NLGN4X: variants seen among roughly 807,000 people sequenced by gnomAD.
NLGN4X encodes the protein neuroligin 4 X-linked.
NLGN4X carries 3 observed loss-of-function variants against 40.3 expected under a neutral mutation model. The observed-to-expected ratio is 0.07, with a 90% CI of 0.03 to 0.19. The LOEUF (loss-of-function observed/expected upper bound fraction) is 0.19, where lower values mean the gene tolerates loss of function less well. Among genes scored for constraint, NLGN4X ranks in the 10% least tolerant of loss-of-function variants. The pLI is 1.00. For synonymous variants in NLGN4X, 270 were observed against 306.8 expected (o/e 0.88, Z 1.25); for missense variants, 382 against 708.3 (o/e 0.54, Z 5.23).
intron 1 of NLGN4X, among the ~76,000 whole-genome samples, chrX:6,208,270 G>C (rs970476957): frequency 6.2e-5 from 7 of 112,095 alleles, no homozygotes; most frequent in Admixed American, 5.7e-4. Context: ...TTTTAGATAA[G>C]CTAGCTGCAT....
intron 1 of NLGN4X, among the ~76,000 whole-genome samples, chrX:6,218,471 AACCCACACACAC>A (rs1286381777): frequency 5.5e-5 from 4 of 72,327 alleles, no homozygotes; most frequent in African/African-American, 9.1e-5. Context: ...TGAGAGATTA[AACCCACACACAC>A]ACACACACAC....
At chrX:6,001,496 G>C in intron 3 of NLGN4X, among the ~76,000 whole-genome samples, 1 of 112,047 alleles carries the variant, frequency 8.9e-6, no homozygotes, top group Middle Eastern at 4.7e-3. Context: ...CACTATCATA[G>C]ACAATTGTTG....
chrX:6,221,761 C>T (rs1242626008), intron 1 of NLGN4X, among the ~76,000 whole-genome samples: 2 of 110,780 alleles, frequency 1.8e-5, no homozygotes, highest in Admixed American at 1.9e-4. Context: ...CCCCATCCCC[C>T]ATGCTTTTGA....
At chrX:6,044,696 T>C (rs909403367) in intron 2 of NLGN4X, among the ~76,000 whole-genome samples, 3 of 111,127 alleles carry the variant, frequency 2.7e-5, no homozygotes, top group African/African-American at 9.8e-5. Context: ...AGTTCATGGA[T>C]TGTAACAAAC....
At position 5,914,625 on chromosome X, in the gene NLGN4X, T is replaced by C. The variant is rs2032687899; in HGVS notation, c.626-5386A>G. Among the ~76,000 whole-genome samples, 3 of 108,234 alleles carry C rather than the reference T, an allele frequency of 2.8e-5. No homozygotes were observed. In the South Asian group the frequency reaches 1.2e-3, roughly 42 times the overall value. The allele number at this position is 108,234 out of a possible 115,157, so 94.0% of individuals were successfully genotyped here. On this transcript the variant is annotated intron_variant, in intron 3 of 5. Coordinates refer to ENST00000381095, the MANE Select transcript of NLGN4X (RefSeq NM_181332.3). ...TATATATAATATATGTATGTATATA[T>C]ATATATATATGCATATATAACCATA...
At chrX:6,020,857 T>C (rs1268618318) in intron 3 of NLGN4X, among the ~76,000 whole-genome samples, 1 of 110,567 alleles carries the variant, frequency 9.0e-6, no homozygotes, top group Non-Finnish European at 1.9e-5. Context: ...TTTCACTCTG[T>C]TGCTGAGACT....
At chrX:6,008,091 A>G (rs1397830403) in intron 3 of NLGN4X, among the ~76,000 whole-genome samples, 1 of 112,214 alleles carries the variant, frequency 8.9e-6, no homozygotes, top group Non-Finnish European at 1.9e-5. Flanking sequence ...TTTTTCTTCT[A>G]TTTAAGAGGA....
intron 1 of NLGN4X, among the ~76,000 whole-genome samples, chrX:6,214,991 C>T (rs909889963): frequency 8.9e-6 from 1 of 111,994 alleles, no homozygotes; most frequent in Non-Finnish European, 1.9e-5. Flanking sequence ...AAAATGAGTT[C>T]CCACCAACAA....
intron 1 of NLGN4X, among the ~76,000 whole-genome samples, chrX:6,200,124 C>T: frequency 9.0e-6 from 1 of 111,486 alleles, no homozygotes; most frequent in Admixed American, 9.6e-5. Context: ...TAATAAATAC[C>T]CAGTAAGGGC....
intron 2 of NLGN4X, among the ~76,000 whole-genome samples, chrX:6,093,639 T>C (rs1193337908): frequency 9.0e-6 from 1 of 111,353 alleles, no homozygotes; most frequent in African/African-American, 3.3e-5. Context: ...AAAAAGAAAT[T>C]ATAGATATCT....
At chrX:6,105,430 GCA>G (rs545656682) in intron 2 of NLGN4X, among the ~76,000 whole-genome samples, 11,480 of 98,072 alleles carry the variant, frequency 0.12, 547 homozygotes, top group Admixed American at 0.19. Context: ...TAAAGCACAA[GCA>G]AAAAAAAAAG....
chrX:6,000,790 G>A (rs1288916679), intron 3 of NLGN4X, among the ~76,000 whole-genome samples: 3 of 111,344 alleles, frequency 2.7e-5, no homozygotes, highest in African/African-American at 9.8e-5. Flanking sequence ...CCTGTCTTCT[G>A]AGCCCTTCAA....
intron 2 of NLGN4X, among the ~76,000 whole-genome samples, chrX:6,096,470 T>C (rs948976103): frequency 1.1e-4 from 12 of 111,661 alleles, no homozygotes; most frequent in African/African-American, 3.9e-4. Context: ...CTTTAGAATA[T>C]GCACCTTTAA....
intron 2 of NLGN4X, among the ~76,000 whole-genome samples, chrX:6,114,109 C>T (rs138659175): frequency 0.021 from 2,285 of 111,425 alleles, 58 homozygotes; most frequent in African/African-American, 0.07. Flanking sequence ...CATGAGCCAC[C>T]GCACCCGGCC....
intron 3 of NLGN4X, among the ~76,000 whole-genome samples, chrX:5,973,650 G>A (rs2035090292): frequency 9.0e-6 from 1 of 110,771 alleles, no homozygotes; most frequent in Admixed American, 9.6e-5. Context: ...GCGAAACCCC[G>A]TCTCTACTAA....
At chrX:6,141,904 A>G (rs1191012130) in intron 2 of NLGN4X, among the ~76,000 whole-genome samples, 3 of 112,238 alleles carry the variant, frequency 2.7e-5, no homozygotes. Context: ...ACCATGTTCA[A>G]ACCAGCAATA....
chrX:6,031,956 A>G (rs1789485300), intron 2 of NLGN4X, among the ~76,000 whole-genome samples: 1 of 110,523 alleles, frequency 9.0e-6, no homozygotes, highest in South Asian at 3.8e-4. Context: ...CAGCAACAAA[A>G]CATTTTAAGG....
intron 1 of NLGN4X, among the ~76,000 whole-genome samples, chrX:6,168,605 C>A (rs899949221): frequency 9.0e-6 from 1 of 111,524 alleles, no homozygotes; most frequent in Admixed American, 9.6e-5. Context: ...CCACAAGAAG[C>A]TGGGACTACA....
chrX:6,019,891 A>G (rs2036487985), intron 3 of NLGN4X, among the ~76,000 whole-genome samples: 1 of 112,431 alleles, frequency 8.9e-6, no homozygotes, highest in South Asian at 3.7e-4. Flanking sequence ...CTACTAACTC[A>G]TGCTTAAATG....
Sources: allele counts gnomAD v4.1 joint callset (sites outside exome capture counted in the v4.1 genomes callset), GRCh38; gene constraint gnomAD v4.1.1; transcripts MANE v1.5; gene names NCBI Gene and HGNC (gene_info 2026-07-23, HGNC 2026-07-21).